Variants in ATP10B observed in about 807,000 individuals in gnomAD.
ATP10B encodes phospholipid-transporting ATPase VB.
A neutral mutation model predicts 141.2 loss-of-function variants in ATP10B; 122 were observed. The observed-to-expected ratio is 0.86, with a 90% confidence interval of 0.75 to 1.00. The LOEUF is 1.00. ATP10B is among the 50% of genes least tolerant of loss of function. The pLI is 0.00. For missense variants in ATP10B, 1,876 were observed against 1,825.3 expected (o/e 1.03, Z -0.51); for synonymous variants, 685 against 692.0 (o/e 0.99, Z 0.16).
intron 7 of ATP10B, among the ~76,000 whole-genome samples, chr5:160,654,467 GAC>G (rs1282176125): frequency 6.6e-6 from 1 of 152,150 alleles, no homozygotes; most frequent in Non-Finnish European, 1.5e-5. Context: ...GAGCCATTAA[GAC>G]ACAGGAAAAG....
intron 7 of ATP10B, among the ~76,000 whole-genome samples, chr5:160,654,473 G>A (rs927711520): frequency 2.0e-5 from 3 of 152,128 alleles, no homozygotes; most frequent in Admixed American, 2.0e-4. Context: ...TTAAGACACA[G>A]GAAAAGACCA....
the ATP10B span, among the ~76,000 whole-genome samples, chr5:160,886,301 A>G: frequency 6.6e-6 from 1 of 152,342 alleles, no homozygotes; most frequent in South Asian, 2.1e-4. Context: ...AGATCAAGAA[A>G]GGAACATTTG....
At chr5:160,912,529 G>A in the ATP10B span, among the ~76,000 whole-genome samples, 4 of 151,952 alleles carry the variant, frequency 2.6e-5, no homozygotes, top group Admixed American at 1.3e-4. Flanking sequence ...AACCTGGGAG[G>A]TGGAGGTTGC....
the ATP10B span, among the ~76,000 whole-genome samples, chr5:160,882,119 G>A: frequency 3.3e-5 from 5 of 152,136 alleles, no homozygotes; most frequent in Non-Finnish European, 7.4e-5. Flanking sequence ...GGAATGAACA[G>A]GTAGGCCACA....
intron 1 of ATP10B, among the ~76,000 whole-genome samples, chr5:160,812,057 A>AGAGAGAGAGAGAGAGG (rs1561880171): frequency 2.0e-5 from 3 of 146,458 alleles, no homozygotes. Context: ...AGAGAGAGAG[A>AGAGAGAGAGAGAGAGG]GAGGGAGAGG....
chr5:160,599,209 G>A (rs1429926943), intron 21 of ATP10B, among the ~76,000 whole-genome samples: 3 of 152,154 alleles, frequency 2.0e-5, no homozygotes, highest in Non-Finnish European at 2.9e-5. Flanking sequence ...TGTTTAAAGG[G>A]GAGTGGACAG....
chr5:160,590,823 G>A (rs890571328), intron 23 of ATP10B, among the ~76,000 whole-genome samples: 7 of 152,002 alleles, frequency 4.6e-5, no homozygotes, highest in African/African-American at 1.7e-4. Flanking sequence ...TGCTATGAGG[G>A]AAAAAATGAC....
intron 1 of ATP10B, among the ~76,000 whole-genome samples, chr5:160,797,268 G>A (rs1312240709): frequency 6.6e-6 from 1 of 152,156 alleles, no homozygotes. Flanking sequence ...GGCCCTGGAG[G>A]TTACCTATGG....
intron 1 of ATP10B, among the ~76,000 whole-genome samples, chr5:160,817,055 G>C (rs1043589845): frequency 6.6e-6 from 1 of 152,158 alleles, no homozygotes; most frequent in African/African-American, 2.4e-5. Context: ...CATACTGAAT[G>C]GGCAAAAACT....
the ATP10B span, among the ~76,000 whole-genome samples, chr5:160,879,694 C>G: frequency 6.6e-6 from 1 of 151,954 alleles, no homozygotes; most frequent in Admixed American, 6.6e-5. Flanking sequence ...AAAAATTAGC[C>G]GGGCGTGGTA....
At chr5:160,576,370 C>A (rs1168162804) in intron 24 of ATP10B, among the ~76,000 whole-genome samples, 1 of 152,188 alleles carries the variant, frequency 6.6e-6, no homozygotes, top group Non-Finnish European at 1.5e-5. Flanking sequence ...GCACATCCAA[C>A]TACAGACGTG....
At chr5:160,885,689 A>C in the ATP10B span, among the ~76,000 whole-genome samples, 1 of 152,226 alleles carries the variant, frequency 6.6e-6, no homozygotes, top group African/African-American at 2.4e-5. Context: ...TGACACTGAA[A>C]GCTCTTCTAG....
chr5:160,809,856 ATTCT>A (rs1773029621), intron 1 of ATP10B, among the ~76,000 whole-genome samples: 1 of 152,122 alleles, frequency 6.6e-6, no homozygotes, highest in Non-Finnish European at 1.5e-5. Flanking sequence ...TTAGCTATTC[ATTCT>A]ATTTTCTTTA....
the ATP10B span, among the ~76,000 whole-genome samples, chr5:160,905,239 T>C: frequency 2.0e-5 from 3 of 152,212 alleles, no homozygotes; most frequent in Admixed American, 6.5e-5. Flanking sequence ...CTACATTATA[T>C]TGTGTATGCA....
chr5:160,890,587 C>T, the ATP10B span, among the ~76,000 whole-genome samples: 7 of 152,104 alleles, frequency 4.6e-5, no homozygotes, highest in African/African-American at 1.7e-4. Flanking sequence ...TCTGAAATTG[C>T]TTTTCTCTGT....
rs1350328523 is a variant in ATP10B, at chr5:160,670,673, G to A, written c.471-6C>T. 6.2e-7 allele frequency: 1 copy of A among 1,612,282 alleles called. No individual in the cohort carries two copies. The highest frequency in any genetic ancestry group is 8.5e-7 in the Non-Finnish European group (1 of 1,179,290). On this transcript the variant is annotated splice_region_variant and splice_polypyrimidine_tract_variant and intron_variant, in intron 6 of 25. Transcript: ENST00000327245. ...GCACATAGGTCTGCTCTTTTCTTGG[G>A]TGAGAGAAAGACAGGGTGTGAGTGA...
chr5:160,887,257 C>T, the ATP10B span, among the ~76,000 whole-genome samples: 2 of 152,064 alleles, frequency 1.3e-5, no homozygotes, highest in Non-Finnish European at 2.9e-5. Context: ...CAATGTATAT[C>T]CTGCTATATA....
intron 3 of ATP10B, among the ~76,000 whole-genome samples, chr5:160,698,279 C>T (rs1396974312): frequency 6.6e-6 from 1 of 152,128 alleles, no homozygotes; most frequent in Admixed American, 6.6e-5. Flanking sequence ...CTTTCATTTA[C>T]TACAGCCAAT....
chr5:160,835,553 C>G (rs1473134497), intron 1 of ATP10B, among the ~76,000 whole-genome samples: 3 of 152,276 alleles, frequency 2.0e-5, no homozygotes, highest in South Asian at 4.1e-4. Flanking sequence ...TTCAGCTTCT[C>G]TCTCACCTCA....
Sources: allele counts gnomAD v4.1 joint callset (sites outside exome capture counted in the v4.1 genomes callset), GRCh38; gene constraint gnomAD v4.1.1; transcripts MANE v1.5; gene names NCBI Gene and HGNC (gene_info 2026-07-23, HGNC 2026-07-21).